The following NDUFA12 variants were observed in gnomAD, a reference collection of about 807,000 sequenced individuals.
NDUFA12 encodes NADH dehydrogenase [ubiquinone] 1 alpha subcomplex subunit 12.
NDUFA12 carries 17 observed loss-of-function variants against 20.3 expected under a neutral mutation model. The ratio of observed to expected loss-of-function variants is 0.84; its 90% confidence interval spans 0.57 to 1.26. NDUFA12 has a LOEUF of 1.26. Ranked by LOEUF, NDUFA12 falls within the 50% of genes most tolerant of loss-of-function variation. The pLI is 0.00. For synonymous variants in NDUFA12, 72 were observed against 63.6 expected (o/e 1.13, Z -0.63); for missense variants, 191 against 183.7 (o/e 1.04, Z -0.23).
intron 3 of NDUFA12, among the ~76,000 whole-genome samples, chr12:94,982,675 C>T (rs533721698): frequency 6.6e-6 from 1 of 152,200 alleles, no homozygotes; most frequent in African/African-American, 2.4e-5. Context: ...GCTTTACGCT[C>T]CACCAGAGCC....
chr12:94,976,241 G>A (rs1437243881), intron 3 of NDUFA12, among the ~76,000 whole-genome samples: 3 of 152,120 alleles, frequency 2.0e-5, no homozygotes, highest in Non-Finnish European at 4.4e-5. Context: ...AATATAGTAA[G>A]TGAGAAAACC....
At chr12:94,988,826 G>A (rs1009766387) in intron 3 of NDUFA12, among the ~76,000 whole-genome samples, 3 of 152,132 alleles carry the variant, frequency 2.0e-5, no homozygotes, top group African/African-American at 4.8e-5. Flanking sequence ...GCACCCAGGC[G>A]CTCATTAAAA....
At chr12:94,992,747 A>G (rs1221145603) in intron 3 of NDUFA12, among the ~76,000 whole-genome samples, 1 of 152,208 alleles carries the variant, frequency 6.6e-6, no homozygotes. Context: ...GACAGCCAGC[A>G]ATAAATGCCA....
chr12:94,999,873 G>A (rs1199080290), intron 2 of NDUFA12, among the ~76,000 whole-genome samples: 2 of 152,218 alleles, frequency 1.3e-5, no homozygotes, highest in African/African-American at 2.4e-5. Context: ...TTACACTGCT[G>A]TTGGGAATGT....
chr12:94,976,462 C>T (rs77633554), intron 3 of NDUFA12, among the ~76,000 whole-genome samples: 7,374 of 152,228 alleles, frequency 0.048, 249 homozygotes, highest in East Asian at 0.16. Flanking sequence ...GCAAATGTAG[C>T]ATTTGCATAT....
intron 2 of NDUFA12, among the ~76,000 whole-genome samples, chr12:95,002,113 A>G (rs1241277052): frequency 1.3e-5 from 2 of 151,784 alleles, no homozygotes; most frequent in Non-Finnish European, 2.9e-5. Context: ...CTACATATTT[A>G]TATGGTTTTG....
chr12:94,989,150 C>T (rs772248059), intron 3 of NDUFA12, among the ~76,000 whole-genome samples: 18 of 152,194 alleles, frequency 1.2e-4, no homozygotes, highest in Non-Finnish European at 2.2e-4. Context: ...TCTCTAACTG[C>T]TGTATAAAAC....
chr12:94,997,004 T>C, intron 2 of NDUFA12: 1 of 363,894 alleles, frequency 2.7e-6, no homozygotes, highest in Admixed American at 3.9e-5. Context: ...TTAGACAATC[T>C]CTTAAAATCT....
intron 3 of NDUFA12, among the ~76,000 whole-genome samples, chr12:94,991,866 C>G (rs1874658243): frequency 6.6e-6 from 1 of 152,188 alleles, no homozygotes; most frequent in African/African-American, 2.4e-5. Flanking sequence ...CTGCTGCCCT[C>G]TTTGACAAGT....
At position 94,971,386 on chromosome 12, in the gene NDUFA12, G is replaced by T; in HGVS notation, c.*54C>A. On this transcript the variant is annotated 3_prime_UTR_variant, in exon 4 of 4. Coordinates refer to ENST00000327772, the MANE Select transcript of NDUFA12 (RefSeq NM_018838.5). ...ATAGTGAATGGTAAACAGTAAAAGA[G>T]TAATTACATGAAAAGCTCCATATTT... The T allele has an allele frequency of 6.5e-7, 1 of 1,530,710 alleles. No individual in the cohort carries two copies. Among genetic ancestry groups the T allele is most frequent in the Non-Finnish European group, 9.1e-7 (1 of 1,104,438 alleles). 94.8% of individuals were successfully genotyped at this position (1,530,710 alleles called of 1,614,324 possible). A position where few individuals can be genotyped will look rare whatever the true frequency, so the allele number is the denominator to read the frequency against.
intron 3 of NDUFA12, among the ~76,000 whole-genome samples, chr12:94,986,531 T>C (rs7300251): frequency 0.79 from 120,016 of 152,110 alleles, 47,482 homozygotes; most frequent in African/African-American, 0.83. Flanking sequence ...AATGTAAACA[T>C]GTATCAAAAC....
chr12:94,984,730 C>G (rs11107840), intron 3 of NDUFA12, among the ~76,000 whole-genome samples: 1 of 111,306 alleles, frequency 9.0e-6, no homozygotes, highest in Non-Finnish European at 1.7e-5. Context: ...AAAAAAACAA[C>G]AAAAAACCCA....
At chr12:94,972,343 T>C in intron 3 of NDUFA12, 2 of 351,192 alleles carry the variant, frequency 5.7e-6, no homozygotes, top group Middle Eastern at 9.1e-4. Flanking sequence ...CTGATTATAA[T>C]ATGTATCCTA....
At chr12:94,999,384 G>C (rs1874945599) in intron 2 of NDUFA12, among the ~76,000 whole-genome samples, 1 of 152,126 alleles carries the variant, frequency 6.6e-6, no homozygotes, top group East Asian at 1.9e-4. Context: ...AAAAATTCTA[G>C]AACATCACAT....
chr12:94,987,507 A>G (rs1306120909), intron 3 of NDUFA12, among the ~76,000 whole-genome samples: 3 of 152,198 alleles, frequency 2.0e-5, no homozygotes, highest in Non-Finnish European at 2.9e-5. Context: ...GCACTTGAAC[A>G]ACAGCAGGCA....
intron 3 of NDUFA12, chr12:94,972,272 T>C: frequency 3.5e-6 from 1 of 282,472 alleles, no homozygotes. Context: ...TTTTCAGACA[T>C]GCCATGATTT....
At chr12:94,986,772 C>G (rs756835352) in intron 3 of NDUFA12, among the ~76,000 whole-genome samples, 1 of 152,044 alleles carries the variant, frequency 6.6e-6, no homozygotes, top group Non-Finnish European at 1.5e-5. Flanking sequence ...GCCTGGGCGA[C>G]AGAGTGAGAC....
intron 2 of NDUFA12, among the ~76,000 whole-genome samples, chr12:95,000,271 G>A (rs1422052953): frequency 1.3e-5 from 2 of 152,124 alleles, no homozygotes; most frequent in African/African-American, 4.8e-5. Flanking sequence ...TGGGAACTAA[G>A]CTATGAGGAT....
intron 2 of NDUFA12, among the ~76,000 whole-genome samples, chr12:94,995,123 C>T (rs1490423045): frequency 2.0e-5 from 3 of 152,176 alleles, no homozygotes; most frequent in Non-Finnish European, 2.9e-5. Flanking sequence ...TCCATTCATT[C>T]CTATGATGGA....
Sources: allele counts gnomAD v4.1 joint callset (sites outside exome capture counted in the v4.1 genomes callset), GRCh38; gene constraint gnomAD v4.1.1; transcripts MANE v1.5; gene names NCBI Gene and HGNC (gene_info 2026-07-23, HGNC 2026-07-21).